Variants in AFF1 observed in about 807,000 individuals in gnomAD.
The protein encoded by AFF1 is AF4/FMR2 family member 1.
In AFF1, 48 loss-of-function variants were observed where a neutral mutation model predicts 121.7. The observed-to-expected ratio is 0.39, with a 90% CI of 0.31 to 0.50. AFF1 has a LOEUF of 0.50. Ranked by LOEUF, AFF1 falls within the 20% of genes least tolerant of loss-of-function variation. AFF1 has a pLI of 0.76. For synonymous variants in AFF1, 613 were observed against 563.0 expected (o/e 1.09, Z -1.26); for missense variants, 1,523 against 1,511.7 (o/e 1.01, Z -0.12).
chr4:87,052,495 G>A (rs1458979438), intron 4 of AFF1, among the ~76,000 whole-genome samples: 1 of 152,142 alleles, frequency 6.6e-6, no homozygotes, highest in Non-Finnish European at 1.5e-5. Flanking sequence ...GTGAGGGGAG[G>A]ATGTGAGATG....
chr4:87,127,169 C>G (rs1398285486), intron 15 of AFF1, 52 bp downstream of exon 15: 2 of 1,282,966 alleles, frequency 1.6e-6, no homozygotes, highest in Non-Finnish European at 2.2e-6. Flanking sequence ...TTTTGCTTCC[C>G]CCCCCCACCA....
At chr4:87,089,546 A>G (rs1724086962) in intron 5 of AFF1, among the ~76,000 whole-genome samples, 1 of 152,230 alleles carries the variant, frequency 6.6e-6, no homozygotes, top group Non-Finnish European at 1.5e-5. Context: ...GTCAAACAGG[A>G]AAGTTCTTCT....
In AFF1 at chr4:87,127,714, G is replaced by GC. The variant is rs1046711423; in HGVS notation, c.2964+14dup. 6.2e-7 allele frequency: 1 copy of GC among 1,613,214 alleles called. No individual in the cohort carries two copies. Among genetic ancestry groups the GC allele is most frequent in the Non-Finnish European group, 8.5e-7 (1 of 1,179,714 alleles). On this transcript the variant is annotated intron_variant, in intron 16 of 20. Coordinates refer to ENST00000395146, the MANE Select transcript of AFF1 (RefSeq NM_001166693.3). ...AAAGCAGAGTTAATGGTTAGTATTG[G>GC]CCCTTTATCTCTTTGGTAGAATGTT...
intron 2 of AFF1, among the ~76,000 whole-genome samples, chr4:86,968,228 T>G (rs1722669150): frequency 6.6e-6 from 1 of 152,226 alleles, no homozygotes; most frequent in South Asian, 2.1e-4. Flanking sequence ...TTATGGCATT[T>G]AAATTGTTTT....
chr4:87,060,835 C>CAAAAAAAAAAAAAAAAAAAAAAAAAA (rs749186199), intron 4 of AFF1, among the ~76,000 whole-genome samples: 2 of 62,298 alleles, frequency 3.2e-5, no homozygotes, highest in African/African-American at 6.2e-5. Context: ...GACTCTGTCT[C>CAAAAAAAAAAAAAAAAAAAAAAAAAA]AAAAAAAAAA....
chr4:87,010,605 T>C (rs1250370590), intron 2 of AFF1, among the ~76,000 whole-genome samples: 1 of 152,184 alleles, frequency 6.6e-6, no homozygotes, highest in African/African-American at 2.4e-5. Flanking sequence ...CCTAACAGTT[T>C]ATAGACATAT....
At chr4:87,108,856 C>A (rs1309672642) in intron 11 of AFF1, among the ~76,000 whole-genome samples, 1 of 152,132 alleles carries the variant, frequency 6.6e-6, no homozygotes, top group South Asian at 2.1e-4. Context: ...GTTTCTTGCT[C>A]CTTTCTGTCC....
chr4:86,940,723 G>A (rs932359891), intron 1 of AFF1, among the ~76,000 whole-genome samples: 2 of 152,088 alleles, frequency 1.3e-5, no homozygotes, highest in Admixed American at 6.6e-5. Flanking sequence ...ATAGTTGTCA[G>A]TAAGTGTGTC....
chr4:87,114,476 A>G lies in AFF1; in HGVS notation c.1643A>G (p.His548Arg), dbSNP rs991536739. 3 of 1,613,764 alleles carry G rather than the reference A, an allele frequency of 1.9e-6. No individual in the cohort carries two copies. Among genetic ancestry groups the G allele is most frequent in the Non-Finnish European group, 2.5e-6 (3 of 1,179,998 alleles). ...AGGAGCACAGAGCCCCCACGGCGGC[A>G]CCCAGAGAGTAAGGGCAGCAGCGAC... Reference protein sequence around the residue: ...GPRSTEPPRRHPESKGSSDSA... With the variant: ...GPRSTEPPRRRPESKGSSDSA... Residue 548 changes from histidine to arginine, a missense_variant, in exon 12 of 21, where the codon CAC becomes CGC. Around this residue, in one of 5 missense-constraint regions of AFF1, gnomAD observed 905 missense variants for 842.5 expected, o/e 1.07. Transcript: ENST00000395146.
chr4:86,991,765 T>A (rs1261850205), intron 2 of AFF1, among the ~76,000 whole-genome samples: 1 of 151,332 alleles, frequency 6.6e-6, no homozygotes, highest in Non-Finnish European at 1.5e-5. Context: ...TGTTGGTACC[T>A]GAAACATCTG....
intron 16 of AFF1, 104 bp downstream of exon 16, chr4:87,127,807 C>A: frequency 1.7e-6 from 2 of 1,171,030 alleles, no homozygotes; most frequent in Non-Finnish European, 2.5e-6. Flanking sequence ...AGCGTATGTG[C>A]GGTGGAAGGA....
chr4:87,054,956 CATT>C (rs1165516567), intron 4 of AFF1, among the ~76,000 whole-genome samples: 5 of 152,134 alleles, frequency 3.3e-5, no homozygotes, highest in African/African-American at 1.2e-4. Context: ...GGAAAAAAAT[CATT>C]ATTGGCTGAG....
chr4:87,061,049 A>C (rs915174293), intron 4 of AFF1, among the ~76,000 whole-genome samples: 1 of 152,146 alleles, frequency 6.6e-6, no homozygotes, highest in Admixed American at 6.5e-5. Context: ...GACAAGGGAA[A>C]ACACTGGTCT....
intron 2 of AFF1, among the ~76,000 whole-genome samples, chr4:86,966,179 A>G (rs1480733676): frequency 6.6e-6 from 1 of 151,814 alleles, no homozygotes; most frequent in Non-Finnish European, 1.5e-5. Flanking sequence ...CCCACACCCT[A>G]AATGGAGGTA....
At chr4:87,128,489 T>C (rs1728507321) in intron 16 of AFF1, among the ~76,000 whole-genome samples, 1 of 152,146 alleles carries the variant, frequency 6.6e-6, no homozygotes, top group Admixed American at 6.5e-5. Flanking sequence ...AATGCAAAAA[T>C]GCAAAAACCT....
At chr4:87,053,508 G>T (rs1731466533) in intron 4 of AFF1, among the ~76,000 whole-genome samples, 1 of 152,164 alleles carries the variant, frequency 6.6e-6, no homozygotes, top group South Asian at 2.1e-4. Flanking sequence ...TAAACCTCAA[G>T]AAGAGGGACT....
chr4:86,980,553 A>G (rs1723654040), intron 2 of AFF1, among the ~76,000 whole-genome samples: 1 of 152,228 alleles, frequency 6.6e-6, no homozygotes, highest in Non-Finnish European at 1.5e-5. Context: ...ATATACCTGT[A>G]AAAGGAAATG....
chr4:86,938,121 A>C (rs886533031), intron 1 of AFF1, among the ~76,000 whole-genome samples: 1 of 152,082 alleles, frequency 6.6e-6, no homozygotes, highest in Non-Finnish European at 1.5e-5. Context: ...TTTTTGGGAG[A>C]TTGAGAAAGT....
At chr4:86,963,083 T>C (rs1722262662) in intron 2 of AFF1, among the ~76,000 whole-genome samples, 1 of 140,716 alleles carries the variant, frequency 7.1e-6, no homozygotes, top group Non-Finnish European at 1.5e-5. Context: ...CGAGAATTGC[T>C]CGAACCTGGG....
Sources: allele counts gnomAD v4.1 joint callset (sites outside exome capture counted in the v4.1 genomes callset), GRCh38; gene constraint gnomAD v4.1.1; regional missense constraint gnomAD v4.1.1; transcripts MANE v1.5; gene names NCBI Gene and HGNC (gene_info 2026-07-23, HGNC 2026-07-21).